FZD6: variants seen among roughly 807,000 people sequenced by gnomAD.
The protein encoded by FZD6 is frizzled class receptor 6.
Under a neutral mutation model 61.4 loss-of-function variants are expected in FZD6, and 49 were observed. The ratio of observed to expected loss-of-function variants is 0.80; its 90% CI spans 0.63 to 1.01. The LOEUF is 1.01. Ranked by LOEUF, FZD6 falls within the 50% of genes least tolerant of loss-of-function variation. The pLI is 0.00. For synonymous variants in FZD6, 265 were observed against 292.2 expected (o/e 0.91, Z 0.95); for missense variants, 724 against 848.2 (o/e 0.85, Z 1.82).
intron 2 of FZD6, among the ~76,000 whole-genome samples, chr8:103,305,653 A>G (rs904333120): frequency 6.6e-6 from 1 of 152,268 alleles, no homozygotes; most frequent in Non-Finnish European, 1.5e-5. Context: ...ATCATATAAA[A>G]TGAAATAAAT....
chr8:103,320,908 C>T (rs1814768957), intron 3 of FZD6, among the ~76,000 whole-genome samples: 1 of 152,190 alleles, frequency 6.6e-6, no homozygotes. Flanking sequence ...TGTACTCTTA[C>T]TGTGTGCCAG....
chr8:103,321,346 T>G (rs1814782679), intron 3 of FZD6, among the ~76,000 whole-genome samples: 1 of 152,192 alleles, frequency 6.6e-6, no homozygotes, highest in Admixed American at 6.5e-5. Context: ...TTATACAATG[T>G]TAGTTGGGTC....
intron 6 of FZD6, among the ~76,000 whole-genome samples, chr8:103,330,452 G>T (rs1399141921): frequency 2.0e-5 from 3 of 152,126 alleles, no homozygotes; most frequent in Non-Finnish European, 4.4e-5. Context: ...TTCTGAACAT[G>T]AAAAGATATT....
chr8:103,329,512 C>T, intron 5 of FZD6, 143 bp from the exon 6 acceptor site: 4 of 600,790 alleles, frequency 6.7e-6, no homozygotes, highest in South Asian at 2.2e-5. Context: ...ATTTATAATC[C>T]CAGATTTTAT....
chr8:103,328,192 T>C, intron 4 of FZD6, 76 bp from the exon 5 acceptor site: 1 of 1,130,036 alleles, frequency 8.8e-7, no homozygotes, highest in Non-Finnish European at 1.3e-6. Flanking sequence ...CTTTTGTTCG[T>C]TTTATATTGA....
intron 2 of FZD6, among the ~76,000 whole-genome samples, chr8:103,310,941 G>A (rs1814481097): frequency 1.3e-5 from 2 of 152,122 alleles, no homozygotes; most frequent in Admixed American, 6.5e-5. Context: ...GAGATCACTT[G>A]CAAACCATTC....
chr8:103,324,748 G>A lies in FZD6; in HGVS notation c.642G>A (p.Leu214=), dbSNP rs551735338. 5 of 1,614,038 alleles carry A rather than the reference G, an allele frequency of 3.1e-6. No homozygotes were observed. The highest frequency in any genetic ancestry group is 2.2e-5 in the East Asian group (1 of 44,888). ...TVSIFCLCAT[L]FTFLTFLIDV... is the part of the protein sequence containing the mutation. The stretch of plus-strand genomic sequence containing the variant: ...CAATATTTTGTCTTTGTGCAACTCT[G>A]TTCACATTCCTTACTTTTTTAATTG... Residue 214 remains leucine (L), a synonymous_variant, in exon 4 of 7, where the codon CTG becomes CTA. Coordinates refer to ENST00000358755, the MANE Select transcript of FZD6 (RefSeq NM_003506.4).
At chr8:103,302,176 C>A (rs861169) in intron 2 of FZD6, among the ~76,000 whole-genome samples, 144,030 of 152,266 alleles carry the variant, frequency 0.95, 68,190 homozygotes, top group East Asian at 1. Flanking sequence ...AATAATGTCA[C>A]CCTGGCTCAG....
chr8:103,330,049 G>A lies in FZD6; in HGVS notation c.1936G>A (p.Ala646Thr), dbSNP rs1231211711. ...CCAGGCAGGCAGTGTATCTGAAAGT[G>A]CGCGGAGTGAAGGAAGGTGAGATTT... Reference protein sequence around the residue: ...KGQAGSVSESARSEGRISPKS... With the variant: ...KGQAGSVSESTRSEGRISPKS... Residue 646 changes from alanine to threonine, a missense_variant, in exon 6 of 7, where the codon GCG becomes ACG. By Grantham distance (58) the Ala-to-Thr change is moderately conservative. Coordinates refer to ENST00000358755, the MANE Select transcript of FZD6 (RefSeq NM_003506.4). The A allele has an allele frequency of 5.6e-6, 9 of 1,613,922 alleles. No individual in the cohort carries two copies. Among genetic ancestry groups the A allele is most frequent in the Middle Eastern group, 3.3e-4 (2 of 6,084 alleles).
At chr8:103,320,865 A>G (rs1814767316) in intron 3 of FZD6, among the ~76,000 whole-genome samples, 1 of 152,284 alleles carries the variant, frequency 6.6e-6, no homozygotes, top group Admixed American at 6.5e-5. Context: ...AGGAAAGGAG[A>G]CAAAACTGAT....
At chr8:103,327,381 G>C (rs969222017) in intron 4 of FZD6, among the ~76,000 whole-genome samples, 1 of 152,186 alleles carries the variant, frequency 6.6e-6, no homozygotes, top group African/African-American at 2.4e-5. Context: ...GATTGCCTGA[G>C]CTCAAGAGTT....
At chr8:103,315,595 G>A (rs977957291) in intron 2 of FZD6, among the ~76,000 whole-genome samples, 2 of 152,180 alleles carry the variant, frequency 1.3e-5, no homozygotes. Flanking sequence ...TTGTTGTCAG[G>A]CGTGAGAGTT....
In FZD6 at chr8:103,329,937, C is replaced by T. The variant is rs746003409; in HGVS notation, c.1824C>T (p.Pro608=). The change falls in exon 6 of 7, where the codon CCC becomes CCT. Residue 608 remains proline, a synonymous_variant. Coordinates refer to ENST00000358755, the MANE Select transcript of FZD6 (RefSeq NM_003506.4). ...REVKADGAST[P]RLREQDCGEP... ...TGAAAGCGGACGGAGCTAGCACCCC[C>T]AGGTTAAGAGAACAGGACTGTGGTG... 7 of 1,614,028 alleles carry T rather than the reference C, an allele frequency of 4.3e-6. No homozygotes were observed. In the African/African-American group the frequency reaches 5.3e-5, roughly 12 times the overall value.
At chr8:103,312,946 T>C (rs1318353394) in intron 2 of FZD6, among the ~76,000 whole-genome samples, 2 of 152,342 alleles carry the variant, frequency 1.3e-5, no homozygotes, top group East Asian at 3.9e-4. Flanking sequence ...CCTCTTGATA[T>C]ATTTTCTTCC....
At position 103,328,432 on chromosome 8, in the gene FZD6, A is replaced by G; in HGVS notation, c.1541+16A>G. The G allele has an allele frequency of 6.3e-7, 1 of 1,579,746 alleles. No homozygotes were observed. Among genetic ancestry groups the G allele is most frequent in the Non-Finnish European group, 8.7e-7 (1 of 1,148,838 alleles). ...GCAAGAGAGAGTAAGAAACTATTGA[A>G]TTGTCTGACACAATTTTTAAATAAA... is the stretch of plus-strand genomic sequence containing the variant. On this transcript the variant is annotated intron_variant, in intron 5 of 6. Coordinates refer to ENST00000358755, the MANE Select transcript of FZD6 (RefSeq NM_003506.4).
At chr8:103,319,636 G>A (rs1167246993) in intron 3 of FZD6, among the ~76,000 whole-genome samples, 5 of 152,174 alleles carry the variant, frequency 3.3e-5, no homozygotes, top group African/African-American at 7.2e-5. Context: ...GATGGGAAGT[G>A]TTATACCTTT....
rs1052662948 is a variant in FZD6 at position 103,332,208 on chromosome 8, G to A, written c.*699G>A. 1.3e-5 allele frequency: 2 copies of A among 152,508 alleles called. No individual in the cohort carries two copies. The highest frequency in any genetic ancestry group is 4.8e-5 in the African/African-American group (2 of 41,444). 9.4% of individuals were successfully genotyped at this position (152,508 alleles called of 1,614,324 possible). On this transcript the variant is annotated 3_prime_UTR_variant, in exon 7 of 7. Coordinates refer to ENST00000358755, the MANE Select transcript of FZD6 (RefSeq NM_003506.4). ...CTGAAATAAGGTGCTTACTCAAAGA[G>A]TGTCCACTATTGATTGTATTATGCT...
chr8:103,329,013 T>TTTTATATATATATATATATATATATA (rs143400765), intron 5 of FZD6, among the ~76,000 whole-genome samples: 32 of 115,166 alleles, frequency 2.8e-4, no homozygotes, highest in African/African-American at 7.7e-4. Flanking sequence ...CATTTTAGTT[T>TTTTATATATATATATATATATATATA]TATATATATA....
chr8:103,319,409 G>A (rs1293085366), intron 3 of FZD6, among the ~76,000 whole-genome samples: 2 of 152,184 alleles, frequency 1.3e-5, no homozygotes, highest in Non-Finnish European at 2.9e-5. Flanking sequence ...TTTTTATGCT[G>A]AAAGCAGTGA....
Sources: gnomAD v4.1 joint callset for allele counts (sites outside exome capture counted in the v4.1 genomes callset) on GRCh38, gnomAD v4.1.1 for gene constraint, MANE v1.5 for transcripts, NCBI Gene and HGNC (gene_info 2026-07-23, HGNC 2026-07-21) for gene names.